Variants in CUX1 observed in about 807,000 individuals in gnomAD.
CUX1 encodes cut like homeobox 1.
In CUX1, 31 loss-of-function variants were observed where a neutral mutation model predicts 158.8. The ratio of observed to expected loss-of-function variants is 0.20; its 90% CI spans 0.15 to 0.26. The LOEUF is 0.26. Among genes scored for constraint, CUX1 ranks in the 10% least tolerant of loss-of-function variants. The pLI is 1.00. For synonymous variants in CUX1, 879 were observed against 862.1 expected (o/e 1.02, Z -0.34); for missense variants, 1,589 against 2,014.6 (o/e 0.79, Z 4.04).
At chr7:102,215,501 T>C (rs1796963248) in intron 20 of CUX1, among the ~76,000 whole-genome samples, 2 of 152,178 alleles carry the variant, frequency 1.3e-5, no homozygotes, top group Admixed American at 1.3e-4. Flanking sequence ...AGTTCGCTGA[T>C]AACGTGAGCA....
At chr7:101,984,140 A>T (rs1813948438) in intron 2 of CUX1, among the ~76,000 whole-genome samples, 1 of 69,908 alleles carries the variant, frequency 1.4e-5, no homozygotes, top group Non-Finnish European at 3.5e-5. Context: ...ACACACACAC[A>T]TATATATATG....
chr7:101,973,803 C>G (rs1210500201), intron 2 of CUX1, among the ~76,000 whole-genome samples: 1 of 148,922 alleles, frequency 6.7e-6, no homozygotes, highest in Non-Finnish European at 1.5e-5. Context: ...GAGTCTCACA[C>G]TGTCGCCTGG....
At chr7:101,879,427 C>A (rs951015848) in intron 1 of CUX1, among the ~76,000 whole-genome samples, 1 of 152,238 alleles carries the variant, frequency 6.6e-6, no homozygotes, top group African/African-American at 2.4e-5. Flanking sequence ...TAGTTTCTAG[C>A]TCTTTAAAAT....
chr7:101,820,259 A>G (rs907183723), intron 1 of CUX1, among the ~76,000 whole-genome samples: 1 of 152,206 alleles, frequency 6.6e-6, no homozygotes, highest in Non-Finnish European at 1.5e-5. Flanking sequence ...TTTTAGTGAA[A>G]TGAAGGAAGG....
At chr7:102,154,453 A>C (rs1836026378) in intron 8 of CUX1, 1 of 151,398 alleles carries the variant, frequency 6.6e-6, no homozygotes, top group African/African-American at 2.4e-5. Context: ...GTACCAAAAA[A>C]AAAAAACAAA....
chr7:102,223,318 G>A (rs1044500240), intron 20 of CUX1, among the ~76,000 whole-genome samples: 10 of 152,294 alleles, frequency 6.6e-5, no homozygotes, highest in African/African-American at 2.2e-4. Context: ...CATACAGGAT[G>A]TGGCCTTTTG....
rs1789950661 is a variant in CUX1 at position 102,256,851 on chromosome 7, AC to A, written c.*7810del. The stretch of plus-strand genomic sequence containing the variant: ...TCTTGCAAGGCCCGCATGGGTTGAT[AC>A]GTTTTGGTTGGTTTTTTGTTGTTGT... On this transcript the variant is annotated 3_prime_UTR_variant, in exon 24 of 24. Coordinates refer to ENST00000292535, the MANE Select transcript of CUX1 (RefSeq NM_181552.4). 1 of 985,306 alleles carries A rather than the reference AC, an allele frequency of 1.0e-6. No individual in the cohort carries two copies. Among genetic ancestry groups the A allele is most frequent in the Admixed American group, 6.2e-5 (1 of 16,258 alleles). 61.0% of individuals were successfully genotyped at this position (985,306 alleles called of 1,614,324 possible). A position where few individuals can be genotyped will look rare whatever the true frequency, so the allele number is the denominator to read the frequency against.
At chr7:102,189,984 G>A in intron 12 of CUX1, 113 bp downstream of exon 12, 1 of 1,110,636 alleles carries the variant, frequency 9.0e-7, no homozygotes, top group Non-Finnish European at 1.3e-6. Flanking sequence ...TGGCTCAGCA[G>A]ATGCCCGTAA....
At chr7:101,892,955 G>A (rs1009306217) in intron 1 of CUX1, among the ~76,000 whole-genome samples, 2 of 151,896 alleles carry the variant, frequency 1.3e-5, no homozygotes, top group Non-Finnish European at 2.9e-5. Context: ...CCTGAACGTG[G>A]GCATGTTTGC....
At chr7:101,835,352 ATATTCCC>A (rs1794512912) in intron 1 of CUX1, among the ~76,000 whole-genome samples, 1 of 152,154 alleles carries the variant, frequency 6.6e-6, no homozygotes, top group Non-Finnish European at 1.5e-5. Context: ...TGGCTGAATA[ATATTCCC>A]TGGTATGGGC....
rs1792038361 is a variant in CUX1 at position 101,817,765 on chromosome 7, A to G, written c.30+96A>G. On this transcript the variant is annotated intron_variant, in intron 1 of 23. Transcript: ENST00000292535. The surrounding 1 kb of genome is among the most constrained non-coding windows in gnomAD (Gnocchi z 4.1). Reference sequence around the variant, plus strand: ...CGGGTCCCGCGGCTTAGAATGCTCTAGGGCGGCCTGGTGCTCTGGGAGGGG... The same window carrying G: ...CGGGTCCCGCGGCTTAGAATGCTCTGGGGCGGCCTGGTGCTCTGGGAGGGG... 6.8e-7 allele frequency: 1 copy of G among 1,467,358 alleles called. No individual in the cohort carries two copies. The allele number at this position is 1,467,358 out of a possible 1,614,324, so 90.9% of individuals were successfully genotyped here.
In CUX1 at chr7:102,253,399, C is replaced by T; in HGVS notation, c.*4357C>T. 1.0e-6 allele frequency: 1 copy of T among 985,442 alleles called. No individual in the cohort carries two copies. The highest frequency in any genetic ancestry group is 1.7e-5 in the African/African-American group (1 of 57,348). The allele number at this position is 985,442 out of a possible 1,614,324, so 61.0% of individuals were successfully genotyped here. A position where few individuals can be genotyped will look rare whatever the true frequency, so the allele number is the denominator to read the frequency against. On this transcript the variant is annotated 3_prime_UTR_variant, in exon 24 of 24. Coordinates refer to ENST00000292535, the MANE Select transcript of CUX1 (RefSeq NM_181552.4). ...TTTAAGATTATGCCACAGCCAGGCC[C>T]TAAAAAGAGAGGGGAACAGGAGTCC...
intron 2 of CUX1, among the ~76,000 whole-genome samples, chr7:101,990,617 C>T (rs773124093): frequency 4.6e-5 from 7 of 152,072 alleles, no homozygotes; most frequent in Admixed American, 2.0e-4. Flanking sequence ...CTTCAAGTGA[C>T]GCTCCCACCT....
At chr7:102,210,984 T>C (rs1321402656) in intron 20 of CUX1, among the ~76,000 whole-genome samples, 3 of 152,216 alleles carry the variant, frequency 2.0e-5, no homozygotes, top group Admixed American at 6.5e-5. Flanking sequence ...TGTCCAGGGC[T>C]CGTGAGCTTT....
At chr7:102,062,199 G>A (rs1003711618) in intron 3 of CUX1, among the ~76,000 whole-genome samples, 1 of 152,222 alleles carries the variant, frequency 6.6e-6, no homozygotes, top group African/African-American at 2.4e-5. Flanking sequence ...CATCACTGAG[G>A]AGGGAAAGCA....
At chr7:101,868,570 C>A (rs1798158505) in intron 1 of CUX1, among the ~76,000 whole-genome samples, 1 of 152,234 alleles carries the variant, frequency 6.6e-6, no homozygotes, top group Non-Finnish European at 1.5e-5. Flanking sequence ...ACTGGACAGC[C>A]AGCCCTGTGC....
chr7:101,853,103 C>A (rs950067816), intron 1 of CUX1, among the ~76,000 whole-genome samples: 51 of 152,268 alleles, frequency 3.3e-4, no homozygotes, highest in African/African-American at 1.2e-3. Flanking sequence ...TCCACCCAAC[C>A]CTAAGAATCA....
At chr7:102,241,039 C>G (rs1320169445) in intron 23 of CUX1, among the ~76,000 whole-genome samples, 2 of 152,120 alleles carry the variant, frequency 1.3e-5, no homozygotes, top group South Asian at 2.1e-4. Context: ...AGGCTGGTCT[C>G]GAACTCCTGA....
chr7:102,118,193 C>T (rs1203487137), intron 8 of CUX1, among the ~76,000 whole-genome samples: 5 of 152,236 alleles, frequency 3.3e-5, no homozygotes, highest in African/African-American at 1.2e-4. Flanking sequence ...AATCTTTTCA[C>T]ATATGGTCTT....
Sources: gnomAD v4.1 joint callset for allele counts (sites outside exome capture counted in the v4.1 genomes callset) on GRCh38, gnomAD v4.1.1 for gene constraint, Gnocchi (gnomAD v3.1) non-coding constraint, MANE v1.5 for transcripts, NCBI Gene and HGNC (gene_info 2026-07-23, HGNC 2026-07-21) for gene names.